PRPF31: variants seen among roughly 807,000 people sequenced by gnomAD.
PRPF31 encodes the protein pre-mRNA processing factor 31.
A neutral mutation model predicts 60.4 loss-of-function variants in PRPF31; 12 were observed. That is an observed-to-expected ratio of 0.20 (90% CI 0.13 to 0.32). The LOEUF (loss-of-function observed/expected upper bound fraction) is 0.32. Ranked by LOEUF, PRPF31 falls within the 10% of genes least tolerant of loss-of-function variation. The pLI is 1.00. For synonymous variants in PRPF31, 287 were observed against 287.9 expected (o/e 1.00, Z 0.03); for missense variants, 431 against 687.1 (o/e 0.63, Z 4.17).
At chr19:54,117,420 A>C (rs2073674806) in intron 1 of PRPF31, among the ~76,000 whole-genome samples, 1 of 152,144 alleles carries the variant, frequency 6.6e-6, no homozygotes, top group Non-Finnish European at 1.5e-5. Context: ...CTTGCTCCGA[A>C]GGCTGTCTTG....
chr19:54,116,262 T>A (rs1421401533), intron 1 of PRPF31, among the ~76,000 whole-genome samples: 1 of 151,152 alleles, frequency 6.6e-6, no homozygotes. Flanking sequence ...TGGAGTGCAG[T>A]GGCGCGATCT....
At chr19:54,124,746 C>A in intron 8 of PRPF31, 90 bp downstream of exon 8, 2 of 1,456,672 alleles carry the variant, frequency 1.4e-6, no homozygotes, top group Non-Finnish European at 1.9e-6. Flanking sequence ...ACCATCTGGC[C>A]CAGCTGACGG....
At chr19:54,123,119 G>A in intron 5 of PRPF31, 2 of 516,784 alleles carry the variant, frequency 3.9e-6, no homozygotes, top group South Asian at 4.2e-5. Context: ...TTAGGATGGC[G>A]GTGGGGAAGC....
chr19:54,119,739 GCCCA>G (rs1568583888), intron 3 of PRPF31: 2 of 152,068 alleles, frequency 1.3e-5, no homozygotes, highest in East Asian at 3.9e-4. Context: ...CAAGTAATCC[GCCCA>G]CCTCGGCCTC....
In PRPF31 at chr19:54,123,732, C is replaced by T; in HGVS notation, c.528-17C>T. 1 of 1,602,202 alleles carries T rather than the reference C, an allele frequency of 6.2e-7. No homozygotes were observed. Among genetic ancestry groups the T allele is most frequent in the Non-Finnish European group, 8.5e-7 (1 of 1,176,388 alleles). ...CAGGCGGGAGACCCAGGAGGCTGGG[C>T]CCACCCGCCCCTGCAGGCAGCAGCT... On this transcript the variant is annotated splice_polypyrimidine_tract_variant and intron_variant, in intron 6 of 13. Transcript: ENST00000321030.
Position 54,129,316 on chromosome 19 carries a change from C to T in PRPF31, c.1320C>T (p.Thr440=), listed in dbSNP as rs117456605. The change falls in exon 13 of 14, where the codon ACC becomes ACT. Residue 440 remains threonine (T), a synonymous_variant. Transcript: ENST00000321030. ...KQSVVYGGKS[T]IRDRSSGTAS... is the part of the protein sequence containing the mutation. ...GCGTCGTATATGGCGGGAAGTCCACCATCCGCGACCGCTCCTCGGGCACGG... is the reference window on the plus strand; with the variant it reads ...GCGTCGTATATGGCGGGAAGTCCACTATCCGCGACCGCTCCTCGGGCACGG... The T allele has an allele frequency of 1.0e-4, 167 of 1,607,370 alleles. 1 individual carries two copies. In the East Asian group the frequency reaches 3.6e-3, roughly 35 times the overall value.
At chr19:54,126,217 T>C (rs2073916441) in intron 8 of PRPF31, among the ~76,000 whole-genome samples, 1 of 152,212 alleles carries the variant, frequency 6.6e-6, no homozygotes, top group African/African-American at 2.4e-5. Flanking sequence ...GTGCTTAGCA[T>C]GGGGCTGGCA....
chr19:54,117,044 A>C (rs1479540944), intron 1 of PRPF31, among the ~76,000 whole-genome samples: 1 of 152,118 alleles, frequency 6.6e-6, no homozygotes, highest in Non-Finnish European at 1.5e-5. Flanking sequence ...GCCGTGAGCT[A>C]TGATGGCGCC....
intron 7 of PRPF31, 142 bp from the exon 8 acceptor site, chr19:54,124,357 G>A (rs773149326): frequency 1.5e-5 from 13 of 859,686 alleles, no homozygotes; most frequent in Middle Eastern, 6.3e-4. Context: ...CAGGTCGCCC[G>A]CCTGGCAGGG....
chr19:54,125,577 T>C (rs1420383724), intron 8 of PRPF31, among the ~76,000 whole-genome samples: 3 of 151,364 alleles, frequency 2.0e-5, no homozygotes, highest in East Asian at 2.0e-4. Context: ...CTGTGGCGAG[T>C]TACCTCAGGC....
chr19:54,127,864 G>A (rs587703336), intron 9 of PRPF31, among the ~76,000 whole-genome samples: 12 of 152,330 alleles, frequency 7.9e-5, no homozygotes, highest in South Asian at 2.1e-4. Flanking sequence ...TGTTGGGGCC[G>A]GGTCAAAGAG....
rs2073814228 is a variant in PRPF31, at chr19:54,122,409, AAAGG to A, written c.323-84_323-81del. The stretch of plus-strand genomic sequence containing the variant: ...GCCACAAGCCAGGGCTTCAGTTACT[AAAGG>A]AAGAAGGGGACATGGGTGTTAGGGC... On this transcript the variant is annotated intron_variant, in intron 4 of 13. Transcript: ENST00000321030. 5 of 993,312 alleles carry A rather than the reference AAAGG, an allele frequency of 5.0e-6. No homozygotes were observed. The South Asian group carries it at 5.1e-5, about 10-fold the overall frequency. The allele number at this position is 993,312 out of a possible 1,614,324, so 61.5% of individuals were successfully genotyped here. A position where few individuals can be genotyped will look rare whatever the true frequency, so the allele number is the denominator to read the frequency against.
rs761462122 is a variant in PRPF31 at position 54,131,457 on chromosome 19, T to G, written c.*25T>G. ...AATGACTGCGTGTGTCCAAGGTGGCTTCCCACTGAAGGGACACAGAGGTCC... is the reference window on the plus strand; with the variant it reads ...AATGACTGCGTGTGTCCAAGGTGGCGTCCCACTGAAGGGACACAGAGGTCC... On this transcript the variant is annotated 3_prime_UTR_variant, in exon 14 of 14. Coordinates refer to ENST00000321030, the MANE Select transcript of PRPF31 (RefSeq NM_015629.4). The G allele has an allele frequency of 6.2e-7, 1 of 1,613,716 alleles. No individual in the cohort carries two copies. The highest frequency in any genetic ancestry group is 8.5e-7 in the Non-Finnish European group (1 of 1,179,892).
At chr19:54,127,666 T>G (rs2073952066) in intron 9 of PRPF31, among the ~76,000 whole-genome samples, 1 of 152,228 alleles carries the variant, frequency 6.6e-6, no homozygotes, top group African/African-American at 2.4e-5. Flanking sequence ...CCTTGGTAGA[T>G]GTACTCGGGA....
chr19:54,129,049 C>T lies in PRPF31; in HGVS notation c.1147-8C>T. ...GCTGAACTGCAGGGCGCCTCCTCTC[C>T]CCCCTAGATCGAGGAGGACGCCTAC... On this transcript the variant is annotated splice_polypyrimidine_tract_variant and splice_region_variant and intron_variant, in intron 11 of 13. Coordinates refer to ENST00000321030, the MANE Select transcript of PRPF31 (RefSeq NM_015629.4). The T allele has an allele frequency of 1.9e-6, 3 of 1,567,088 alleles. No homozygotes were observed. The highest frequency in any genetic ancestry group is 2.6e-6 in the Non-Finnish European group (3 of 1,156,504).
rs73611035 is a variant in PRPF31 at position 54,123,349 on chromosome 19, T to C, written c.421-105T>C. On this transcript the variant is annotated intron_variant, in intron 5 of 13. Transcript: ENST00000321030. ...AGGCCCCCAGTGCAGAGACCCTGACTGTCCCAGTGTCCCTAAGAAGAGACC... is the reference window on the plus strand; with the variant it reads ...AGGCCCCCAGTGCAGAGACCCTGACCGTCCCAGTGTCCCTAAGAAGAGACC... 3,774 of 866,108 alleles carry C rather than the reference T, an allele frequency of 4.4e-3. 86 individuals carry two copies. The African/African-American group carries it at 0.055, about 13-fold the overall frequency. The allele number at this position is 866,108 out of a possible 1,614,324, so 53.7% of individuals were successfully genotyped here. A position where few individuals can be genotyped will look rare whatever the true frequency, so the allele number is the denominator to read the frequency against.
rs1246760011 is a variant in PRPF31, at chr19:54,129,196, G to C, written c.1275+11G>C. On this transcript the variant is annotated intron_variant, in intron 12 of 13. Transcript: ENST00000321030. Reference sequence around the variant, plus strand: ...TCCAAGACGCTGCAGGTATGGGCCAGACCCAGGTGGGGCTGGGGACCGAGG... The same window carrying C: ...TCCAAGACGCTGCAGGTATGGGCCACACCCAGGTGGGGCTGGGGACCGAGG... 3.1e-6 allele frequency: 5 copies of C among 1,592,558 alleles called. No individual in the cohort carries two copies. The highest frequency in any genetic ancestry group is 4.3e-6 in the Non-Finnish European group (5 of 1,169,906).
rs2073962227 is a variant in PRPF31, at chr19:54,128,082, G to A, written c.955G>A (p.Glu319Lys). 6.5e-7 allele frequency: 1 copy of A among 1,548,794 alleles called. No individual in the cohort carries two copies. The highest frequency in any genetic ancestry group is 8.7e-7 in the Non-Finnish European group (1 of 1,146,874). ...CCCTCGCCCTCCCCAGGTGGGCTAC[G>A]AACTGAAGGATGAGATCGAGCGCAA... ...HESTEGKVGY[E>K]LKDEIERKFD... The change falls in exon 10 of 14, where the codon GAA (glutamate) becomes AAA (lysine). Residue 319 changes from glutamate (E) to lysine (K), a missense_variant. Physicochemically the swap from Glu to Lys is moderately conservative, Grantham distance 56. Transcript: ENST00000321030.
At chr19:54,119,111 C>T (rs1211268828) in intron 3 of PRPF31, among the ~76,000 whole-genome samples, 4 of 152,162 alleles carry the variant, frequency 2.6e-5, no homozygotes, top group South Asian at 4.1e-4. Context: ...GGCCGGGCGC[C>T]GTGGCTCACG....
Sources: allele counts gnomAD v4.1 joint callset (sites outside exome capture counted in the v4.1 genomes callset), GRCh38; gene constraint gnomAD v4.1.1; transcripts MANE v1.5; gene names NCBI Gene and HGNC (gene_info 2026-07-23, HGNC 2026-07-21).